The following SUPT3H variants were observed in gnomAD, a reference collection of about 807,000 sequenced individuals.
SUPT3H encodes transcription initiation protein SPT3 homolog.
Under a neutral mutation model 44.3 loss-of-function variants are expected in SUPT3H, and 44 were observed. The observed-to-expected ratio is 0.99, with a 90% CI of 0.78 to 1.28. The LOEUF is 1.28. Ranked by LOEUF, SUPT3H falls within the 50% of genes most tolerant of loss-of-function variation. The pLI, the probability that SUPT3H is intolerant of heterozygous loss-of-function variation, is 0.00. For missense variants in SUPT3H, 380 were observed against 387.1 expected (o/e 0.98, Z 0.15); for synonymous variants, 124 against 125.6 (o/e 0.99, Z 0.09).
exon 12 of SUPT3H, chr6:44,809,475 G>T (rs868305854): frequency 6.6e-6 from 1 of 152,224 alleles, no homozygotes; most frequent in Non-Finnish European, 1.5e-5. Context: ...AAGTAAACAG[G>T]AAGTGCTGAA....
At chr6:45,015,979 T>A (rs540979345) in intron 4 of SUPT3H, among the ~76,000 whole-genome samples, 2 of 152,202 alleles carry the variant, frequency 1.3e-5, no homozygotes, top group East Asian at 3.9e-4. Flanking sequence ...CAACCTCAGG[T>A]GGTTCACAGT....
chr6:44,855,630 C>A (rs926686877), intron 10 of SUPT3H, among the ~76,000 whole-genome samples: 1 of 151,236 alleles, frequency 6.6e-6, no homozygotes, highest in Non-Finnish European at 1.5e-5. Context: ...GGTGTGTAGA[C>A]GATAATGCAG....
At chr6:44,935,390 C>G (rs578238522) in intron 9 of SUPT3H, among the ~76,000 whole-genome samples, 1 of 152,092 alleles carries the variant, frequency 6.6e-6, no homozygotes, top group Non-Finnish European at 1.5e-5. Flanking sequence ...GCTATAAACA[C>G]GTGTGAAGAG....
rs751801496 is a variant in SUPT3H, at chr6:44,961,763, T to C, written c.570A>G (p.Gln190=). 3.8e-5 allele frequency: 61 copies of C among 1,607,620 alleles called. No individual in the cohort carries two copies. The Middle Eastern group carries it at 9.9e-4, about 26-fold the overall frequency. The part of the protein sequence containing the change: ...AQYAEFCESR[Q]LSFSKKASKF... ...TAAATAGTTACTTACAGAAACTTAA[T>C]TGTCGACTTTCACAGAATTCTGCAT... The change falls in exon 7 of 11, where the codon CAA becomes CAG. Residue 190 remains glutamine, a synonymous_variant. Coordinates refer to ENST00000371459, the MANE Select transcript of SUPT3H (RefSeq NM_003599.4).
chr6:45,174,875 T>G (rs1811432695), intron 2 of SUPT3H, among the ~76,000 whole-genome samples: 1 of 151,910 alleles, frequency 6.6e-6, no homozygotes, highest in Non-Finnish European at 1.5e-5. Flanking sequence ...TACACATGAT[T>G]CATCTAAAAT....
chr6:45,214,296 G>A (rs1764661703), intron 2 of SUPT3H, among the ~76,000 whole-genome samples: 1 of 151,928 alleles, frequency 6.6e-6, no homozygotes, highest in Non-Finnish European at 1.5e-5. Flanking sequence ...TGAAGAAAAA[G>A]CAAAAATTGC....
chr6:45,041,970 G>A (rs1321656786), intron 3 of SUPT3H, among the ~76,000 whole-genome samples: 4 of 152,174 alleles, frequency 2.6e-5, no homozygotes, highest in South Asian at 2.1e-4. Flanking sequence ...AAGCATAAGT[G>A]TGCAGCACGT....
chr6:45,143,504 T>C (rs1000797830), intron 2 of SUPT3H, among the ~76,000 whole-genome samples: 1 of 152,078 alleles, frequency 6.6e-6, no homozygotes, highest in African/African-American at 2.4e-5. Flanking sequence ...TTCTTTGAAC[T>C]GAATAACAGT....
rs1476199770 is a variant in SUPT3H, at chr6:45,321,730, T to G, written c.101+43471A>C. 7.1e-6 allele frequency: 8 copies of G among 1,123,486 alleles called. No homozygotes were observed. In the African/African-American group the frequency reaches 9.4e-5, roughly 13 times the overall value. 69.6% of individuals were successfully genotyped at this position (1,123,486 alleles called of 1,614,324 possible). ...AAACAATCTATTTGTATCTAATACA[T>G]TCTCTCTTCTACCCATAAACTTGTT... On this transcript the variant is annotated intron_variant, in intron 2 of 10. Coordinates refer to ENST00000371459, the MANE Select transcript of SUPT3H (RefSeq NM_003599.4).
intron 2 of SUPT3H, among the ~76,000 whole-genome samples, chr6:45,118,184 T>A (rs1160378346): frequency 1.3e-5 from 2 of 152,182 alleles, no homozygotes; most frequent in East Asian, 3.9e-4. Context: ...AACCTTTAAA[T>A]TTTACTATGA....
intron 3 of SUPT3H, among the ~76,000 whole-genome samples, chr6:45,079,271 C>T (rs1310282967): frequency 6.6e-6 from 1 of 152,040 alleles, no homozygotes; most frequent in Non-Finnish European, 1.5e-5. Flanking sequence ...GATCACACTA[C>T]CGCACTCCAG....
At chr6:44,889,152 G>A (rs1269515758) in intron 10 of SUPT3H, among the ~76,000 whole-genome samples, 2 of 151,968 alleles carry the variant, frequency 1.3e-5, no homozygotes, top group African/African-American at 4.8e-5. Context: ...CCATGCTCAT[G>A]GGTAGGAAGA....
intron 2 of SUPT3H, among the ~76,000 whole-genome samples, chr6:45,333,064 A>G (rs566213612): frequency 3.3e-5 from 5 of 151,864 alleles, no homozygotes; most frequent in African/African-American, 1.2e-4. Flanking sequence ...ATTCTAAGCT[A>G]ACTGTCTAAA....
chr6:44,977,520 A>G (rs1031823832), intron 6 of SUPT3H, among the ~76,000 whole-genome samples: 9 of 152,164 alleles, frequency 5.9e-5, no homozygotes, highest in African/African-American at 9.7e-5. Context: ...TAGTACAGAG[A>G]GTTCCTGTAT....
At chr6:45,373,609 T>TG (rs1304556816) in intron 1 of SUPT3H, among the ~76,000 whole-genome samples, 1 of 152,036 alleles carries the variant, frequency 6.6e-6, no homozygotes, top group Non-Finnish European at 1.5e-5. Flanking sequence ...TGGAGTGCAG[T>TG]GCACGATCTC....
At chr6:44,990,835 TAC>T (rs1176350583) in intron 6 of SUPT3H, among the ~76,000 whole-genome samples, 1 of 152,074 alleles carries the variant, frequency 6.6e-6, no homozygotes, top group African/African-American at 2.4e-5. Flanking sequence ...TATTTTAAAT[TAC>T]TTAAAAGAAC....
chr6:45,042,970 C>T (rs1010642349), intron 3 of SUPT3H, among the ~76,000 whole-genome samples: 13 of 152,106 alleles, frequency 8.5e-5, no homozygotes, highest in African/African-American at 2.7e-4. Flanking sequence ...ATTACCCTTT[C>T]TCAACATTTT....
intron 10 of SUPT3H, among the ~76,000 whole-genome samples, chr6:44,853,297 C>A (rs561361349): frequency 6.6e-6 from 1 of 152,156 alleles, no homozygotes; most frequent in African/African-American, 2.4e-5. Flanking sequence ...TCAACTTCTA[C>A]GTTGTACTGG....
In SUPT3H at chr6:45,130,712, C is replaced by A. The variant is rs10948203; in HGVS notation, c.102-24706G>T. 5.6e-5 allele frequency among the ~76,000 whole-genome samples: 5 copies of A among 88,592 alleles called. 1 individual carries two copies. The highest frequency in any genetic ancestry group is 1.2e-4 in the Admixed American group (1 of 8,372). 58.1% of individuals were successfully genotyped at this position (88,592 alleles called of 152,430 possible). On this transcript the variant is annotated intron_variant, in intron 2 of 10. Coordinates refer to ENST00000371459, the MANE Select transcript of SUPT3H (RefSeq NM_003599.4). ...AAAAAAAAAACAAAAAAAAAAACCA[C>A]TTTTTTTTTTTTTTTTTTTTTTCAG... is the stretch of plus-strand genomic sequence containing the variant.
Sources: allele counts gnomAD v4.1 joint callset (sites outside exome capture counted in the v4.1 genomes callset), GRCh38; gene constraint gnomAD v4.1.1; transcripts MANE v1.5; gene names NCBI Gene and HGNC (gene_info 2026-07-23, HGNC 2026-07-21).